Variants in GPR141 observed in about 807,000 individuals in gnomAD.
GPR141 encodes G protein-coupled receptor 141, also known as probable G protein-coupled receptor 141.
In GPR141, 6 loss-of-function variants were observed where a neutral mutation model predicts 6.8. The ratio of observed to expected loss-of-function variants is 0.88; its 90% CI spans 0.48 to 1.74. The LOEUF (loss-of-function observed/expected upper bound fraction) is 1.74, where lower values mean the gene tolerates loss of function less well. Ranked by LOEUF, GPR141 falls within the 40% of genes most tolerant of loss-of-function variation. The pLI, the probability that GPR141 is intolerant of heterozygous loss-of-function variation, is 0.01. For synonymous variants in GPR141, 140 were observed against 142.3 expected, an observed-to-expected ratio of 0.98 and a Z score of 0.11; for missense variants, 372 against 372.9, an observed-to-expected ratio of 1.00 and a Z score of 0.02.
At chr7:37,720,537 C>A (rs1044363580) in intron 2 of GPR141, among the ~76,000 whole-genome samples, 1 of 152,052 alleles carries the variant, frequency 6.6e-6, no homozygotes, top group African/African-American at 2.4e-5. Flanking sequence ...GTCAGGAGAT[C>A]GAGACCATCC....
At chr7:37,695,589 C>A (rs1361667426) in intron 2 of GPR141, among the ~76,000 whole-genome samples, 1 of 152,192 alleles carries the variant, frequency 6.6e-6, no homozygotes, top group East Asian at 1.9e-4. Flanking sequence ...CTTGTGTTTC[C>A]TTCCGTTCTC....
Position 37,740,608 on chromosome 7 carries a change from G to T in GPR141, c.215G>T (p.Arg72Leu), listed in dbSNP as rs772202718. 2 of 1,613,924 alleles carry T rather than the reference G, an allele frequency of 1.2e-6. No individual in the cohort carries two copies. The highest frequency in any genetic ancestry group is 2.7e-5 in the African/African-American group (2 of 74,878). ...GTTTTTCTGCTGACAGTGCCATTTC[G>T]CTTGACCTACCTCATCAAGAAGACT... is the stretch of plus-strand genomic sequence containing the variant. ...HSVFLLTVPF[R>L]LTYLIKKTWM... Residue 72 changes from arginine (R) to leucine (L), a missense_variant, in exon 3 of 3, where the codon CGC (arginine) becomes CTC (leucine). Arg to Leu is a moderately radical substitution (Grantham distance 102, BLOSUM62 -2). Coordinates refer to ENST00000334425, the MANE Select transcript of GPR141 (RefSeq NM_001381946.1).
At chr7:37,702,541 C>T (rs1810323557) in intron 2 of GPR141, among the ~76,000 whole-genome samples, 1 of 151,788 alleles carries the variant, frequency 6.6e-6, no homozygotes, top group African/African-American at 2.4e-5. Context: ...AATAATCTTA[C>T]TTTCTTCTCA....
intron 2 of GPR141, among the ~76,000 whole-genome samples, chr7:37,719,885 T>C (rs1811234655): frequency 6.6e-6 from 1 of 152,134 alleles, no homozygotes. Context: ...GCTTGAATCC[T>C]TCCAGAGATC....
chr7:37,702,188 T>C (rs887553172), intron 2 of GPR141, among the ~76,000 whole-genome samples: 1 of 152,210 alleles, frequency 6.6e-6, no homozygotes, highest in Admixed American at 6.5e-5. Context: ...ATTTTAAAAA[T>C]CTCATTTTTA....
intron 2 of GPR141, among the ~76,000 whole-genome samples, chr7:37,714,008 T>C (rs1810930719): frequency 6.6e-6 from 1 of 152,150 alleles, no homozygotes; most frequent in Non-Finnish European, 1.5e-5. Context: ...ATGAAGCCAA[T>C]GGTTTTTCTA....
In GPR141 at chr7:37,689,110, A is replaced by C. The variant is rs377391521; in HGVS notation, c.-15+3527A>C. 6.3e-4 allele frequency among the ~76,000 whole-genome samples: 96 copies of C among 152,178 alleles called. No individual in the cohort carries two copies. In the South Asian group the frequency reaches 7.9e-3, roughly 13 times the overall value. ...TGGTAATCTTATGAAGCTATGATGAAATTTATCAAATGCTTTTTCTGAATC... is the reference window on the plus strand; with the variant it reads ...TGGTAATCTTATGAAGCTATGATGACATTTATCAAATGCTTTTTCTGAATC... On this transcript the variant is annotated intron_variant, in intron 2 of 2. Coordinates refer to ENST00000334425, the MANE Select transcript of GPR141 (RefSeq NM_001381946.1).
In GPR141 at chr7:37,740,607, C is replaced by T. The variant is rs150971296; in HGVS notation, c.214C>T (p.Arg72Cys). The stretch of plus-strand genomic sequence containing the variant: ...CGTTTTTCTGCTGACAGTGCCATTT[C>T]GCTTGACCTACCTCATCAAGAAGAC... ...HSVFLLTVPFRLTYLIKKTWM... is the reference protein window; with the variant it reads ...HSVFLLTVPFCLTYLIKKTWM... Residue 72 changes from arginine (R) to cysteine (C), a missense_variant, in exon 3 of 3, where the codon CGC (arginine) becomes TGC (cysteine). Transcript: ENST00000334425. 1.3e-5 allele frequency: 21 copies of T among 1,614,058 alleles called. No homozygotes were observed. Among genetic ancestry groups the T allele is most frequent in the Middle Eastern group, 1.6e-4 (1 of 6,062 alleles).
rs187716757 is a variant in GPR141 at position 37,685,454 on chromosome 7, C to T, written c.-138-6C>T. 7.6e-3 allele frequency: 1,055 copies of T among 138,114 alleles called. 2 individuals carry two copies. Among genetic ancestry groups the T allele is most frequent in the Non-Finnish European group, 0.013 (821 of 64,094 alleles). The allele number at this position is 138,114 out of a possible 1,614,324, so 8.6% of individuals were successfully genotyped here. A position where few individuals can be genotyped will look rare whatever the true frequency, so the allele number is the denominator to read the frequency against. The stretch of plus-strand genomic sequence containing the variant: ...TCTCTCTCTCTTTCTCTCTTTCTTT[C>T]TTCAGGGCCTTTCTCTCTGTTGCCC... On this transcript the variant is annotated splice_polypyrimidine_tract_variant and splice_region_variant and intron_variant, in intron 1 of 2. Transcript: ENST00000334425.
intron 2 of GPR141, among the ~76,000 whole-genome samples, chr7:37,689,627 G>A (rs2131727228): frequency 6.6e-6 from 1 of 152,062 alleles, no homozygotes; most frequent in South Asian, 2.1e-4. Context: ...TCTTGGTAGG[G>A]TGTATGTGTC....
At chr7:37,730,718 T>A (rs1811889522) in intron 2 of GPR141, among the ~76,000 whole-genome samples, 1 of 152,278 alleles carries the variant, frequency 6.6e-6, no homozygotes, top group Non-Finnish European at 1.5e-5. Flanking sequence ...GGCTCACTGC[T>A]TCACAGCTCA....
intron 2 of GPR141, among the ~76,000 whole-genome samples, chr7:37,721,040 C>T (rs1040180207): frequency 2.6e-5 from 4 of 152,114 alleles, no homozygotes; most frequent in Non-Finnish European, 4.4e-5. Flanking sequence ...TCCACAGCTC[C>T]GAAGGAGAGC....
At chr7:37,733,695 A>G (rs1239730594) in intron 2 of GPR141, among the ~76,000 whole-genome samples, 2 of 151,452 alleles carry the variant, frequency 1.3e-5, no homozygotes, top group Admixed American at 1.3e-4. Flanking sequence ...AAAAGAAAAA[A>G]GAAAAGAAAA....
rs896326356 is a variant in GPR141 at position 37,699,896 on chromosome 7, G to A, written c.-15+14313G>A. 4.5e-4 allele frequency among the ~76,000 whole-genome samples: 68 copies of A among 152,170 alleles called. 1 individual carries two copies. The highest frequency in any genetic ancestry group is 1.5e-5 in the Non-Finnish European group (1 of 68,024). On this transcript the variant is annotated intron_variant, in intron 2 of 2. Coordinates refer to ENST00000334425, the MANE Select transcript of GPR141 (RefSeq NM_001381946.1). ...ATCAGCATGGGGCCTCATGCCATTT[G>A]CTTTTTCCATCTGTATAGTGACAAC...
chr7:37,699,980 G>T (rs1713919258), intron 2 of GPR141, among the ~76,000 whole-genome samples: 1 of 152,142 alleles, frequency 6.6e-6, no homozygotes, highest in Admixed American at 6.5e-5. Context: ...AGTCTATCAG[G>T]CACCATACTT....
Position 37,740,924 on chromosome 7 carries a change from T to C in GPR141, c.531T>C (p.Tyr177=), listed in dbSNP as rs1812519179. The C allele has an allele frequency of 3.7e-6, 6 of 1,614,038 alleles. No homozygotes were observed. The highest frequency in any genetic ancestry group is 1.1e-5 in the South Asian group (1 of 91,090). Residue 177 remains tyrosine, a synonymous_variant, in exon 3 of 3, where the codon TAT becomes TAC. Transcript: ENST00000334425. The part of the protein sequence containing the change: ...FKFHKELAYT[Y]VKIINYMIVI... Reference sequence around the variant, plus strand: ...TTCACAAAGAGCTTGCTTACACATATGTGAAAATCATCAACTATATGATAG... The same window carrying C: ...TTCACAAAGAGCTTGCTTACACATACGTGAAAATCATCAACTATATGATAG...
In GPR141 at chr7:37,723,417, GA is replaced by G. The variant is rs759149640; in HGVS notation, c.-14-16952del. Among the ~76,000 whole-genome samples, 749 of 145,682 alleles carry G rather than the reference GA, an allele frequency of 5.1e-3. 5 individuals carry two copies. Among genetic ancestry groups the G allele is most frequent in the African/African-American group, 0.015 (599 of 39,938 alleles). On this transcript the variant is annotated intron_variant, in intron 2 of 2. Coordinates refer to ENST00000334425, the MANE Select transcript of GPR141 (RefSeq NM_001381946.1). ...ATAAAACCCTAGAAGTTACTAGGAAGAAAAAAAAAAAGTGAATGGCACGGAA... is the reference window on the plus strand; with the variant it reads ...ATAAAACCCTAGAAGTTACTAGGAAGAAAAAAAAAAGTGAATGGCACGGAA...
chr7:37,717,051 A>G (rs897564242), intron 2 of GPR141, among the ~76,000 whole-genome samples: 2 of 152,232 alleles, frequency 1.3e-5, no homozygotes, highest in Admixed American at 1.3e-4. Context: ...TCAAATTTAC[A>G]GGATGGATAT....
chr7:37,697,035 C>A (rs1464484890), intron 2 of GPR141, among the ~76,000 whole-genome samples: 1 of 152,126 alleles, frequency 6.6e-6, no homozygotes, highest in East Asian at 1.9e-4. Flanking sequence ...ATAACCCATG[C>A]ATTCCAGGAG....
Sources: gnomAD v4.1 joint callset for allele counts (sites outside exome capture counted in the v4.1 genomes callset) on GRCh38, gnomAD v4.1.1 for gene constraint, MANE v1.5 for transcripts, NCBI Gene and HGNC (gene_info 2026-07-23, HGNC 2026-07-21) for gene names.